Variants in TUBGCP3 observed in about 807,000 individuals in gnomAD.
The protein encoded by TUBGCP3 is tubulin gamma complex component 3, also known as gamma-tubulin complex component 3.
Under a neutral mutation model 123.1 loss-of-function variants are expected in TUBGCP3, and 50 were observed. That is an observed-to-expected ratio of 0.41 (90% CI 0.32 to 0.51). The LOEUF is 0.51. Ranked by LOEUF, TUBGCP3 falls within the 20% of genes least tolerant of loss-of-function variation. The pLI is 0.36. For missense variants in TUBGCP3, 882 were observed against 1,127.0 expected (o/e 0.78, Z 3.11); for synonymous variants, 405 against 413.9 (o/e 0.98, Z 0.26).
chr13:112,575,548 G>A (rs754027819), intron 1 of TUBGCP3, among the ~76,000 whole-genome samples: 1 of 152,192 alleles, frequency 6.6e-6, no homozygotes, highest in Non-Finnish European at 1.5e-5. Flanking sequence ...CAAAGGGCAA[G>A]TGAAGAGAAA....
chr13:112,579,981 GA>G (rs781225132), intron 1 of TUBGCP3, among the ~76,000 whole-genome samples: 6 of 152,154 alleles, frequency 3.9e-5, no homozygotes, highest in Non-Finnish European at 8.8e-5. Flanking sequence ...TCATACAATG[GA>G]ACACTACTCT....
Position 112,559,386 on chromosome 13 carries a change from T to C in TUBGCP3, c.266A>G (p.Asn89Ser). The change falls in exon 4 of 22, where the codon AAT (asparagine) becomes AGT (serine). Residue 89 changes from asparagine (N) to serine (S), a missense_variant. Physicochemically the swap from Asn to Ser is conservative, Grantham distance 46 (BLOSUM62 1). Around this residue, in one of 3 missense-constraint regions of TUBGCP3, gnomAD observed 713 missense variants for 874.0 expected, o/e 0.82. Coordinates refer to ENST00000261965, the MANE Select transcript of TUBGCP3 (RefSeq NM_006322.6). ...RKLHSQGVLKNKWSILYLLLS... is the reference protein window; with the variant it reads ...RKLHSQGVLKSKWSILYLLLS... ...CAAGAGGTAGAGTATTGACCATTTA[T>C]TTTTCAAAACTCCCTGTTTGGAAAA... The C allele has an allele frequency of 6.3e-7, 1 of 1,599,694 alleles. No homozygotes were observed. The highest frequency in any genetic ancestry group is 8.5e-7 in the Non-Finnish European group (1 of 1,170,524).
intron 11 of TUBGCP3, among the ~76,000 whole-genome samples, chr13:112,533,276 G>A (rs898846641): frequency 1.3e-5 from 2 of 152,244 alleles, no homozygotes; most frequent in Admixed American, 6.5e-5. Flanking sequence ...GGCATCCACC[G>A]ACTCCCAGGC....
intron 9 of TUBGCP3, 121 bp from the exon 10 acceptor site, chr13:112,547,873 C>A: frequency 3.3e-6 from 4 of 1,212,750 alleles, no homozygotes; most frequent in Non-Finnish European, 4.3e-6. Flanking sequence ...CCAAAGTCCC[C>A]TTTAAAAAAA....
At chr13:112,513,371 A>G (rs561004934) in intron 17 of TUBGCP3, among the ~76,000 whole-genome samples, 1 of 152,328 alleles carries the variant, frequency 6.6e-6, no homozygotes, top group African/African-American at 2.4e-5. Flanking sequence ...ATCATCTTAC[A>G]TGAGGAATGG....
chr13:112,499,846 A>G (rs1183531522), intron 19 of TUBGCP3, among the ~76,000 whole-genome samples: 1 of 152,222 alleles, frequency 6.6e-6, no homozygotes, highest in African/African-American at 2.4e-5. Flanking sequence ...TACCTCATTA[A>G]TCTTTCTCCT....
At chr13:112,510,883 GAC>G (rs2139028114) in intron 17 of TUBGCP3, among the ~76,000 whole-genome samples, 1 of 152,250 alleles carries the variant, frequency 6.6e-6, no homozygotes, top group East Asian at 1.9e-4. Flanking sequence ...GGATCCAAAA[GAC>G]TTTTGTTAAG....
At chr13:112,587,295 A>G (rs1032253197) in intron 1 of TUBGCP3, 2 of 152,270 alleles carry the variant, frequency 1.3e-5, no homozygotes, top group African/African-American at 4.8e-5. Flanking sequence ...GAATAGTTTT[A>G]TATCAAATCC....
At chr13:112,512,161 C>T (rs930394096) in intron 17 of TUBGCP3, among the ~76,000 whole-genome samples, 4 of 152,146 alleles carry the variant, frequency 2.6e-5, no homozygotes, top group African/African-American at 9.7e-5. Context: ...TAGCTCACGC[C>T]CATAACCCCA....
At chr13:112,533,816 T>TTA (rs1555340600) in intron 11 of TUBGCP3, among the ~76,000 whole-genome samples, 23 of 146,946 alleles carry the variant, frequency 1.6e-4, no homozygotes, top group African/African-American at 5.7e-4. Flanking sequence ...TTTTTTTTTT[T>TTA]AATTTTCTAT....
chr13:112,550,086 C>T (rs1214587218), intron 8 of TUBGCP3, among the ~76,000 whole-genome samples: 2 of 151,586 alleles, frequency 1.3e-5, no homozygotes, highest in Non-Finnish European at 2.9e-5. Context: ...CACCTGCATC[C>T]AGTCCTGTGG....
At chr13:112,538,168 C>T (rs1878223566) in intron 11 of TUBGCP3, among the ~76,000 whole-genome samples, 1 of 152,162 alleles carries the variant, frequency 6.6e-6, no homozygotes. Flanking sequence ...ATCTCAAAAT[C>T]TGAAATCCAG....
chr13:112,498,896 G>C, intron 20 of TUBGCP3, 149 bp downstream of exon 20: 1 of 1,613,456 alleles, frequency 6.2e-7, no homozygotes, highest in Non-Finnish European at 8.5e-7. Flanking sequence ...AACTGTCAGT[G>C]ATTTCTCGGG....
chr13:112,575,037 T>A (rs1881701797), intron 1 of TUBGCP3, among the ~76,000 whole-genome samples: 3 of 152,198 alleles, frequency 2.0e-5, no homozygotes, highest in Admixed American at 2.0e-4. Context: ...GGCTGCCCCA[T>A]TCCACACTTG....
At position 112,555,015 on chromosome 13, in the gene TUBGCP3, C is replaced by G; in HGVS notation, c.722-10G>C. On this transcript the variant is annotated splice_polypyrimidine_tract_variant and intron_variant, in intron 6 of 21. Transcript: ENST00000261965. ...GTAATTTCCATAGTACCTGCAAAAT[C>G]ATTTTTTAAAGACAGTAATTACTAG... 1 of 1,539,488 alleles carries G rather than the reference C, an allele frequency of 6.5e-7. No individual in the cohort carries two copies. Among genetic ancestry groups the G allele is most frequent in the East Asian group, 2.3e-5 (1 of 44,422 alleles).
intron 11 of TUBGCP3, among the ~76,000 whole-genome samples, chr13:112,538,782 G>A (rs2139138379): frequency 6.6e-6 from 1 of 151,994 alleles, no homozygotes; most frequent in East Asian, 1.9e-4. Flanking sequence ...CCACACACTT[G>A]AAAAAAATGC....
intron 11 of TUBGCP3, among the ~76,000 whole-genome samples, chr13:112,539,363 G>C (rs1224120428): frequency 6.6e-6 from 1 of 152,166 alleles, no homozygotes; most frequent in Non-Finnish European, 1.5e-5. Flanking sequence ...CAGAGATAAA[G>C]TAGTCAGATG....
At chr13:112,540,606 G>A (rs1307236504) in intron 11 of TUBGCP3, among the ~76,000 whole-genome samples, 2 of 147,174 alleles carry the variant, frequency 1.4e-5, no homozygotes, top group Non-Finnish European at 3.0e-5. Context: ...TGAGCATTCA[G>A]GTGGTCTTGG....
chr13:112,487,493 T>C (rs1277086934), intron 21 of TUBGCP3, among the ~76,000 whole-genome samples: 1 of 152,220 alleles, frequency 6.6e-6, no homozygotes, highest in African/African-American at 2.4e-5. Context: ...AACATCGTTG[T>C]CTCAGAAATA....
Sources: gnomAD v4.1 joint callset for allele counts (sites outside exome capture counted in the v4.1 genomes callset) on GRCh38, gnomAD v4.1.1 for gene constraint, gnomAD v4.1.1 regional missense constraint, MANE v1.5 for transcripts, NCBI Gene and HGNC (gene_info 2026-07-23, HGNC 2026-07-21) for gene names.